Variants in SUSD1 observed in about 807,000 individuals in gnomAD.
SUSD1 encodes the protein sushi domain-containing protein 1.
A neutral mutation model predicts 86.9 loss-of-function variants in SUSD1; 65 were observed. The observed-to-expected ratio is 0.75, with a 90% CI of 0.61 to 0.92. The LOEUF (loss-of-function observed/expected upper bound fraction) is 0.92. Ranked by LOEUF, SUSD1 falls within the 40% of genes least tolerant of loss-of-function variation. The pLI, the probability that SUSD1 is intolerant of heterozygous loss-of-function variation, is 0.00. For synonymous variants in SUSD1, 346 were observed against 350.0 expected, an observed-to-expected ratio of 0.99 and a Z score of 0.13; for missense variants, 850 against 929.7, an observed-to-expected ratio of 0.91 and a Z score of 1.11.
intron 10 of SUSD1, among the ~76,000 whole-genome samples, chr9:112,086,297 A>G (rs1829972416): frequency 6.9e-6 from 1 of 145,766 alleles, no homozygotes; most frequent in Non-Finnish European, 1.5e-5. Flanking sequence ...ACAGAGCGAG[A>G]CCTTGCCTCA....
At chr9:112,144,979 G>C (rs2131769769) in intron 3 of SUSD1, among the ~76,000 whole-genome samples, 1 of 152,146 alleles carries the variant, frequency 6.6e-6, no homozygotes, top group East Asian at 1.9e-4. Flanking sequence ...GCCTGGGCAT[G>C]CCTATGGTCC....
At chr9:112,098,780 T>C (rs1189464437) in intron 9 of SUSD1, 118 bp from the exon 10 acceptor site, 2 of 929,058 alleles carry the variant, frequency 2.2e-6, no homozygotes, top group Non-Finnish European at 1.6e-6. Flanking sequence ...CTTGCCCACT[T>C]AGAATTACTT....
chr9:112,151,284 G>T (rs181690604), intron 2 of SUSD1, among the ~76,000 whole-genome samples: 16 of 152,188 alleles, frequency 1.1e-4, no homozygotes, highest in Admixed American at 8.5e-4. Flanking sequence ...GTACACATAG[G>T]CTACACTAAA....
intron 3 of SUSD1, 22 bp downstream of exon 3, chr9:112,149,222 C>A (rs1185195246): frequency 2.5e-6 from 4 of 1,613,142 alleles, no homozygotes. Context: ...ATTGTCAACA[C>A]CGCAGCCCCC....
intron 12 of SUSD1, among the ~76,000 whole-genome samples, chr9:112,077,853 GAGAA>G (rs1402355157): frequency 2.0e-5 from 3 of 152,012 alleles, no homozygotes; most frequent in Admixed American, 6.6e-5. Context: ...AAATATTCCT[GAGAA>G]AGAAAGAGCC....
chr9:112,166,729 G>A (rs1343288789), intron 1 of SUSD1, among the ~76,000 whole-genome samples: 4 of 152,164 alleles, frequency 2.6e-5, no homozygotes, highest in Non-Finnish European at 5.9e-5. Context: ...CCCACGTCAA[G>A]GATGGCTTTA....
chr9:112,160,281 C>T lies in SUSD1; in HGVS notation c.104-2668G>A, dbSNP rs557791472. Among the ~76,000 whole-genome samples the T allele has an allele frequency of 7.9e-5, 12 of 152,264 alleles. No individual in the cohort carries two copies. The East Asian group carries it at 1.5e-3, about 20-fold the overall frequency. ...AAATGAGGCTGGGCGGAGTGGCTCA[C>T]GCCTGTAATCTCAGCACTTTGGGAG... On this transcript the variant is annotated intron_variant, in intron 1 of 16. Coordinates refer to ENST00000374270, the MANE Select transcript of SUSD1 (RefSeq NM_022486.5).
intron 10 of SUSD1, among the ~76,000 whole-genome samples, chr9:112,081,236 C>T (rs1589625748): frequency 6.6e-6 from 1 of 152,166 alleles, no homozygotes; most frequent in South Asian, 2.1e-4. Flanking sequence ...TCCCAAATTA[C>T]GTGAAAAAAG....
At chr9:112,102,341 C>T in intron 8 of SUSD1, 56 bp from the exon 9 acceptor site, 2 of 876,260 alleles carry the variant, frequency 2.3e-6, no homozygotes, top group Non-Finnish European at 3.5e-6. Context: ...CAAAATGCAT[C>T]ATGGCTGAGT....
intron 1 of SUSD1, among the ~76,000 whole-genome samples, chr9:112,168,679 G>C (rs958930624): frequency 6.6e-6 from 1 of 152,154 alleles, no homozygotes; most frequent in South Asian, 2.1e-4. Context: ...TGCAGGCCAA[G>C]CACAATGGCT....
intron 12 of SUSD1, among the ~76,000 whole-genome samples, chr9:112,067,851 C>A (rs1018463206): frequency 6.6e-6 from 1 of 152,004 alleles, no homozygotes; most frequent in Non-Finnish European, 1.5e-5. Context: ...CCACTGTGAA[C>A]TGAAGGACTC....
intron 1 of SUSD1, among the ~76,000 whole-genome samples, chr9:112,159,782 T>C (rs1042694828): frequency 2.0e-5 from 3 of 152,244 alleles, no homozygotes; most frequent in African/African-American, 7.2e-5. Context: ...TATACTTCAA[T>C]GCGGCCTTTA....
intron 5 of SUSD1, among the ~76,000 whole-genome samples, chr9:112,128,014 G>T (rs1036837130): frequency 6.6e-6 from 1 of 151,868 alleles, no homozygotes; most frequent in Non-Finnish European, 1.5e-5. Context: ...TATTGCCCAG[G>T]CTGGTCTCTT....
chr9:112,064,549 G>C (rs1589599243), intron 12 of SUSD1, among the ~76,000 whole-genome samples: 1 of 152,210 alleles, frequency 6.6e-6, no homozygotes, highest in Non-Finnish European at 1.5e-5. Context: ...GGGGCACAAA[G>C]TGTAGGCGTG....
At chr9:112,073,606 C>T (rs1829385875) in intron 12 of SUSD1, among the ~76,000 whole-genome samples, 1 of 150,692 alleles carries the variant, frequency 6.6e-6, no homozygotes, top group African/African-American at 2.4e-5. Context: ...ATAGCATACT[C>T]AGCTGGACAG....
intron 6 of SUSD1, among the ~76,000 whole-genome samples, chr9:112,118,801 C>T (rs1179514503): frequency 6.6e-6 from 1 of 152,130 alleles, no homozygotes; most frequent in Non-Finnish European, 1.5e-5. Flanking sequence ...ACATTTTTAT[C>T]TGTTCGTTAT....
In SUSD1 at chr9:112,175,121, G is replaced by A. The variant is rs1178374839; in HGVS notation, c.103+12C>T. The A allele has an allele frequency of 9.7e-7, 1 of 1,033,802 alleles. No homozygotes were observed. Among genetic ancestry groups the A allele is most frequent in the Non-Finnish European group, 1.2e-6 (1 of 863,980 alleles). The allele number at this position is 1,033,802 out of a possible 1,614,324, so 64.0% of individuals were successfully genotyped here. A position where few individuals can be genotyped will look rare whatever the true frequency, so the allele number is the denominator to read the frequency against. ...CCGCCGGCCGCCCGTGCCCGTCCCA[G>A]CCCGCACTCACCGTCGGGGCCCGGC... On this transcript the variant is annotated intron_variant, in intron 1 of 16. Coordinates refer to ENST00000374270, the MANE Select transcript of SUSD1 (RefSeq NM_022486.5). The surrounding 1 kb of genome is among the most constrained non-coding windows in gnomAD (Gnocchi z 4.7).
chr9:112,085,066 G>A (rs1459847682), intron 10 of SUSD1, among the ~76,000 whole-genome samples: 1 of 152,152 alleles, frequency 6.6e-6, no homozygotes, highest in Non-Finnish European at 1.5e-5. Context: ...TGAAGAGAGA[G>A]ACATCTTCTT....
intron 13 of SUSD1, among the ~76,000 whole-genome samples, chr9:112,059,987 G>A (rs1828642428): frequency 7.8e-6 from 1 of 128,058 alleles, no homozygotes; most frequent in Non-Finnish European, 1.6e-5. Flanking sequence ...AATGATTCTT[G>A]AGTTGAAATT....
Sources: gnomAD v4.1 joint callset for allele counts (sites outside exome capture counted in the v4.1 genomes callset) on GRCh38, gnomAD v4.1.1 for gene constraint, Gnocchi (gnomAD v3.1) non-coding constraint, MANE v1.5 for transcripts, NCBI Gene and HGNC (gene_info 2026-07-23, HGNC 2026-07-21) for gene names.